PITPNM2: variants seen among roughly 807,000 people sequenced by gnomAD.
PITPNM2 encodes membrane-associated phosphatidylinositol transfer protein 2.
PITPNM2 carries 35 observed loss-of-function variants against 132.2 expected under a neutral mutation model. The ratio of observed to expected loss-of-function variants is 0.26; its 90% CI spans 0.20 to 0.35. The LOEUF (loss-of-function observed/expected upper bound fraction) is 0.35. Ranked by LOEUF, PITPNM2 falls within the 10% of genes least tolerant of loss-of-function variation. The pLI, the probability that PITPNM2 is intolerant of heterozygous loss-of-function variation, is 1.00. For missense variants in PITPNM2, 1,332 were observed against 1,912.0 expected (o/e 0.70, Z 5.66); for synonymous variants, 738 against 799.2 (o/e 0.92, Z 1.29).
At chr12:123,060,239 G>A (rs1200329660) in intron 2 of PITPNM2, among the ~76,000 whole-genome samples, 1 of 152,182 alleles carries the variant, frequency 6.6e-6, no homozygotes, top group African/African-American at 2.4e-5. Context: ...AACCCTTCAA[G>A]AATTCACCTT....
Position 123,009,806 on chromosome 12 carries a change from G to A in PITPNM2, c.643+44C>T. On this transcript the variant is annotated intron_variant, in intron 6 of 25. Transcript: ENST00000320201. This position sits in a 1 kb window ranked among gnomAD's most constrained non-coding sequence, Gnocchi z 4.8. ...CAGGCAGGTGACAGGAGACAGAGGG[G>A]TTGGGTAGCCCAGCCACTGCCCACC... is the stretch of plus-strand genomic sequence containing the variant. 2 of 1,556,386 alleles carry A rather than the reference G, an allele frequency of 1.3e-6. No homozygotes were observed. The highest frequency in any genetic ancestry group is 1.8e-6 in the Non-Finnish European group (2 of 1,128,260).
chr12:123,021,633 T>C (rs2039675331), intron 3 of PITPNM2: 1 of 979,304 alleles, frequency 1.0e-6, no homozygotes, highest in African/African-American at 1.7e-5. Flanking sequence ...ACCATTCCCC[T>C]TGAACAGCAA....
intron 2 of PITPNM2, among the ~76,000 whole-genome samples, chr12:123,073,496 A>C (rs1250714564): frequency 6.6e-6 from 1 of 152,218 alleles, no homozygotes; most frequent in Non-Finnish European, 1.5e-5. Context: ...GTGGTGAGAC[A>C]CATGAAGTAG....
intron 1 of PITPNM2, among the ~76,000 whole-genome samples, chr12:123,110,928 T>A (rs1357960933): frequency 6.6e-6 from 1 of 152,154 alleles, no homozygotes; most frequent in Non-Finnish European, 1.5e-5. Flanking sequence ...TCCGAGAGGA[T>A]GGCGTCCTGA....
intron 6 of PITPNM2, among the ~76,000 whole-genome samples, chr12:123,006,503 C>A (rs1283572719): frequency 6.6e-6 from 1 of 150,944 alleles, no homozygotes; most frequent in African/African-American, 2.4e-5. Flanking sequence ...GAGCTTCAGA[C>A]CAGCCTGGGC....
chr12:123,006,747 TAA>T (rs1481115587), intron 6 of PITPNM2, among the ~76,000 whole-genome samples: 1 of 149,894 alleles, frequency 6.7e-6, no homozygotes, highest in African/African-American at 2.5e-5. Flanking sequence ...ATAATAATAA[TAA>T]TAATAGAATG....
At chr12:123,141,539 C>T (rs979512556) in intron 1 of PITPNM2, among the ~76,000 whole-genome samples, 8 of 152,064 alleles carry the variant, frequency 5.3e-5, no homozygotes, top group Non-Finnish European at 1.0e-4. Flanking sequence ...TTGGAGGCTT[C>T]CCTGGAGAAA....
intron 1 of PITPNM2, among the ~76,000 whole-genome samples, chr12:123,144,455 CAG>C (rs1194386113): frequency 2.0e-5 from 3 of 152,118 alleles, no homozygotes; most frequent in Admixed American, 1.3e-4. Context: ...TGTTTTGAGA[CAG>C]AGTCTCACTC....
At chr12:123,063,520 T>C (rs1031631963) in intron 2 of PITPNM2, among the ~76,000 whole-genome samples, 1 of 152,124 alleles carries the variant, frequency 6.6e-6, no homozygotes, top group African/African-American at 2.4e-5. Flanking sequence ...GGGGCTAAAA[T>C]AAGTGGCCCC....
intron 2 of PITPNM2, among the ~76,000 whole-genome samples, chr12:123,075,331 C>T (rs902372882): frequency 3.3e-5 from 5 of 152,204 alleles, no homozygotes; most frequent in Non-Finnish European, 7.3e-5. Context: ...ACGGGCTGGG[C>T]GGGGGCCAAG....
intron 1 of PITPNM2, among the ~76,000 whole-genome samples, chr12:123,132,252 G>A (rs751732142): frequency 6.6e-6 from 1 of 152,192 alleles, no homozygotes; most frequent in Non-Finnish European, 1.5e-5. Flanking sequence ...TCATTCATAC[G>A]CAGTGACCAG....
chr12:123,033,640 T>C lies in PITPNM2; in HGVS notation c.78+873A>G, dbSNP rs60543890. Among the ~76,000 whole-genome samples the C allele has an allele frequency of 6.5e-3, 989 of 152,308 alleles. 13 individuals carry two copies. The highest frequency in any genetic ancestry group is 0.022 in the African/African-American group (933 of 41,556). ...AGCTAGGAGACAGGCCCTGTGCTCC[T>C]TGGCAAGGCATTTAACATCTCTGGG... On this transcript the variant is annotated intron_variant, in intron 3 of 25. Transcript: ENST00000320201.
In PITPNM2 at chr12:122,986,053, G is replaced by A. The variant is rs1256319685; in HGVS notation, c.4024C>T (p.Pro1342Ser). 1.4e-6 allele frequency: 2 copies of A among 1,412,894 alleles called. No homozygotes were observed. The highest frequency in any genetic ancestry group is 6.6e-5 in the Admixed American group (2 of 30,332). 87.5% of individuals were successfully genotyped at this position (1,412,894 alleles called of 1,614,324 possible). The change falls in exon 26 of 26, where the codon CCG (proline) becomes TCG (serine). Residue 1342 changes from proline to serine, a missense_variant. Around this residue, in one of 6 missense-constraint regions of PITPNM2, gnomAD observed 163 missense variants for 177.2 expected, o/e 0.92. Coordinates refer to ENST00000320201, the MANE Select transcript of PITPNM2 (RefSeq NM_020845.3). The stretch of plus-strand genomic sequence containing the variant: ...TACTTGGGGCCCGCGGCTGCCCCCG[G>A]CTCCAGGCGGCCAGTCATGGCGCGG... ...WGRAMTGRLE[P>S]GAAAGPK
chr12:123,053,685 G>A (rs1311232673), intron 2 of PITPNM2, among the ~76,000 whole-genome samples: 5 of 150,236 alleles, frequency 3.3e-5, no homozygotes, highest in African/African-American at 1.2e-4. Context: ...CTCCTGCCTC[G>A]GCCTCCTGAG....
intron 3 of PITPNM2, among the ~76,000 whole-genome samples, chr12:123,015,122 A>G (rs1408715242): frequency 6.6e-6 from 1 of 152,224 alleles, no homozygotes; most frequent in Non-Finnish European, 1.5e-5. Context: ...CAAACAACCT[A>G]CAGATATAAT....
intron 3 of PITPNM2, among the ~76,000 whole-genome samples, chr12:123,018,894 C>T (rs1035188205): frequency 2.6e-5 from 4 of 151,288 alleles, no homozygotes; most frequent in Non-Finnish European, 4.4e-5. Context: ...AGTGATTCTC[C>T]TGCCTCAGCT....
chr12:123,144,053 T>C (rs996515722), intron 1 of PITPNM2, among the ~76,000 whole-genome samples: 1 of 152,228 alleles, frequency 6.6e-6, no homozygotes, highest in Non-Finnish European at 1.5e-5. Flanking sequence ...TCAATGCTCA[T>C]GGTGCTTTCA....
chr12:122,988,227 C>A lies in PITPNM2; in HGVS notation c.2997+7G>T. 1.9e-6 allele frequency: 3 copies of A among 1,611,520 alleles called. No individual in the cohort carries two copies. The highest frequency in any genetic ancestry group is 2.5e-6 in the Non-Finnish European group (3 of 1,179,146). ...CGTGGGGGCCTGGGCGCCCGGGGGA[C>A]CCTCACCCGCAGCTTCACGTGGGTC... On this transcript the variant is annotated splice_region_variant and intron_variant, in intron 20 of 25. Coordinates refer to ENST00000320201, the MANE Select transcript of PITPNM2 (RefSeq NM_020845.3).
At chr12:123,038,232 T>C (rs1362353309) in intron 2 of PITPNM2, among the ~76,000 whole-genome samples, 1 of 152,172 alleles carries the variant, frequency 6.6e-6, no homozygotes, top group Non-Finnish European at 1.5e-5. Flanking sequence ...CATACATGGA[T>C]AGGAAGAAGG....
Sources: allele counts gnomAD v4.1 joint callset (sites outside exome capture counted in the v4.1 genomes callset), GRCh38; gene constraint gnomAD v4.1.1; regional missense constraint gnomAD v4.1.1; non-coding constraint Gnocchi (gnomAD v3.1); transcripts MANE v1.5; gene names NCBI Gene and HGNC (gene_info 2026-07-23, HGNC 2026-07-21).